SNED1: variants seen among roughly 807,000 people sequenced by gnomAD.
The protein encoded by SNED1 is sushi, nidogen and EGF like domains 1.
A neutral mutation model predicts 166.7 loss-of-function variants in SNED1; 81 were observed. The ratio of observed to expected loss-of-function variants is 0.49; its 90% CI spans 0.41 to 0.58. The LOEUF is 0.58. SNED1 is among the 20% of genes least tolerant of loss of function. The probability of loss-of-function intolerance (pLI) is 0.00; values close to 1 mark genes in which losing one functional copy is unlikely to be tolerated. For synonymous variants in SNED1, 762 were observed against 822.0 expected, an observed-to-expected ratio of 0.93 and a Z score of 1.25; for missense variants, 1,604 against 2,000.2, an observed-to-expected ratio of 0.80 and a Z score of 3.78.
chr2:241,084,493 C>T (rs1015436382), intron 29 of SNED1, among the ~76,000 whole-genome samples: 10 of 152,140 alleles, frequency 6.6e-5, no homozygotes, highest in African/African-American at 2.2e-4. Context: ...TTCAACTTCA[C>T]GCCGCATACC....
intron 21 of SNED1, among the ~76,000 whole-genome samples, chr2:241,067,098 T>C (rs904032050): frequency 4.6e-5 from 7 of 152,244 alleles, no homozygotes; most frequent in South Asian, 2.1e-4. Flanking sequence ...CCTCGGAAGG[T>C]ATCTGGAGTG....
intron 21 of SNED1, 98 bp from the exon 22 acceptor site, chr2:241,067,666 C>T (rs1553581619): frequency 3.1e-6 from 3 of 979,694 alleles, no homozygotes; most frequent in African/African-American, 1.6e-5. Flanking sequence ...CTCTCTGTGG[C>T]CCCCAGCACC....
intron 16 of SNED1, among the ~76,000 whole-genome samples, chr2:241,062,521 G>A (rs2062268112): frequency 6.6e-6 from 1 of 152,130 alleles, no homozygotes; most frequent in South Asian, 2.1e-4. Flanking sequence ...CTGTCGGCCT[G>A]AACCACTGGA....
Position 241,051,675 on chromosome 2 carries a change from G to C in SNED1, c.1736-69G>C. ...CACCAGAGGACTGAGGAGATGCCAG[G>C]AGGGTATAGTGGCTCTGTGGGGCCA... is the stretch of plus-strand genomic sequence containing the variant. On this transcript the variant is annotated intron_variant, in intron 12 of 31. Coordinates refer to ENST00000310397, the MANE Select transcript of SNED1 (RefSeq NM_001080437.3). This position sits in a 1 kb window ranked among gnomAD's most constrained non-coding sequence, Gnocchi z 4.7. The C allele has an allele frequency of 1.6e-6, 2 of 1,239,338 alleles. No individual in the cohort carries two copies. 76.8% of individuals were successfully genotyped at this position (1,239,338 alleles called of 1,614,324 possible).
In SNED1 at chr2:241,013,380, A is replaced by C. The variant is rs1351031753; in HGVS notation, c.213+14330A>C. ...GAGTGCAGTGGCCTGAGCCTAGCTC[A>C]CTGTAACCTCGAACTCATGGGCTCC... On this transcript the variant is annotated intron_variant, in intron 1 of 31. Coordinates refer to ENST00000310397, the MANE Select transcript of SNED1 (RefSeq NM_001080437.3). This position sits in a 1 kb window ranked among gnomAD's most constrained non-coding sequence, Gnocchi z 4.6. 6.6e-6 allele frequency among the ~76,000 whole-genome samples: 1 copy of C among 152,190 alleles called. No homozygotes were observed. Among genetic ancestry groups the C allele is most frequent in the African/African-American group, 2.4e-5 (1 of 41,436 alleles).
chr2:241,089,173 C>T, intron 31 of SNED1: 1 of 891,162 alleles, frequency 1.1e-6, no homozygotes, highest in Non-Finnish European at 1.7e-6. Flanking sequence ...AACCTGTTAC[C>T]AGTTTCATAC....
intron 1 of SNED1, among the ~76,000 whole-genome samples, chr2:241,001,885 G>A (rs2106525874): frequency 6.6e-6 from 1 of 152,288 alleles, no homozygotes; most frequent in Non-Finnish European, 1.5e-5. Flanking sequence ...GTGCCCTGCA[G>A]AGCCCGCAGG....
chr2:241,077,808 TAAA>T (rs938974267), intron 27 of SNED1, among the ~76,000 whole-genome samples: 4 of 152,080 alleles, frequency 2.6e-5, no homozygotes, highest in Non-Finnish European at 4.4e-5. Context: ...TGGCGGGAAT[TAAA>T]AAGTCAGATA....
At chr2:241,010,202 T>G (rs978328439) in intron 1 of SNED1, 1 of 152,120 alleles carries the variant, frequency 6.6e-6, no homozygotes, top group African/African-American at 2.4e-5. Context: ...CGGAAGTCTC[T>G]TGGGTCCCTG....
chr2:241,090,068 C>T, intron 31 of SNED1: 2 of 1,517,894 alleles, frequency 1.3e-6, no homozygotes, highest in South Asian at 1.3e-5. Context: ...TTAACCTTAG[C>T]TTACTGTAAC....
At chr2:241,059,430 T>C (rs778602841) in intron 16 of SNED1, among the ~76,000 whole-genome samples, 5 of 152,224 alleles carry the variant, frequency 3.3e-5, no homozygotes, top group Non-Finnish European at 7.3e-5. Flanking sequence ...ACCCAACTTA[T>C]TTGATAACTT....
rs2060495967 is a variant in SNED1, at chr2:241,013,982, G to C, written c.213+14932G>C. The stretch of plus-strand genomic sequence containing the variant: ...TATTTTTAATTTTTTAGGTGGGGCT[G>C]TTCCTAGCTTTAGACTACTCTTTTT... On this transcript the variant is annotated intron_variant, in intron 1 of 31. Coordinates refer to ENST00000310397, the MANE Select transcript of SNED1 (RefSeq NM_001080437.3). The surrounding 1 kb of genome is among the most constrained non-coding windows in gnomAD (Gnocchi z 4.6). Among the ~76,000 whole-genome samples, 1 of 151,398 alleles carries C rather than the reference G, an allele frequency of 6.6e-6. No individual in the cohort carries two copies. Among genetic ancestry groups the C allele is most frequent in the African/African-American group, 2.4e-5 (1 of 41,176 alleles).
rs2060093233 is a variant in SNED1, at chr2:241,002,084, G to A, written c.213+3034G>A. Among the ~76,000 whole-genome samples, 2 of 152,142 alleles carry A rather than the reference G, an allele frequency of 1.3e-5. 1 individual carries two copies. The highest frequency in any genetic ancestry group is 3.9e-4 in the East Asian group (2 of 5,190). On this transcript the variant is annotated intron_variant, in intron 1 of 31. Coordinates refer to ENST00000310397, the MANE Select transcript of SNED1 (RefSeq NM_001080437.3). ...AGCCCAGGGCAGCTGCTCTGGTGTG[G>A]GAGTTCACATGCAGCCTGTGACCTT...
In SNED1 at chr2:241,073,124, G is replaced by T. The variant is rs2062819261; in HGVS notation, c.3818-142G>T. 2 of 630,798 alleles carry T rather than the reference G, an allele frequency of 3.2e-6. No individual in the cohort carries two copies. The highest frequency in any genetic ancestry group is 5.6e-6 in the Non-Finnish European group (2 of 360,178). The allele number at this position is 630,798 out of a possible 1,614,324, so 39.1% of individuals were successfully genotyped here. On this transcript the variant is annotated intron_variant, in intron 26 of 31. Coordinates refer to ENST00000310397, the MANE Select transcript of SNED1 (RefSeq NM_001080437.3). This position sits in a 1 kb window ranked among gnomAD's most constrained non-coding sequence, Gnocchi z 6.6. ...GGGGAGGCAGCTCTGGGGCCGACAGGTGCTGGGGCCACGCAGGGAGCCTGG... is the reference window on the plus strand; with the variant it reads ...GGGGAGGCAGCTCTGGGGCCGACAGTTGCTGGGGCCACGCAGGGAGCCTGG...
chr2:241,004,452 T>C (rs1376415009), intron 1 of SNED1, among the ~76,000 whole-genome samples: 1 of 152,226 alleles, frequency 6.6e-6, no homozygotes, highest in Non-Finnish European at 1.5e-5. Context: ...ATCTGTTCTC[T>C]ATAGTTTCTT....
chr2:241,085,828 C>A (rs1397236561), intron 29 of SNED1, among the ~76,000 whole-genome samples: 1 of 149,174 alleles, frequency 6.7e-6, no homozygotes, highest in African/African-American at 2.5e-5. Context: ...TTAATTTTGC[C>A]CTAGTTCTAT....
At chr2:241,005,579 G>A (rs147710567) in intron 1 of SNED1, among the ~76,000 whole-genome samples, 215 of 151,926 alleles carry the variant, frequency 1.4e-3, no homozygotes, top group Non-Finnish European at 2.5e-3. Flanking sequence ...TAGACCTGCT[G>A]GCATAAATTA....
intron 27 of SNED1, among the ~76,000 whole-genome samples, chr2:241,076,826 T>C (rs1329047845): frequency 6.6e-6 from 1 of 152,158 alleles, no homozygotes; most frequent in African/African-American, 2.4e-5. Context: ...GCGCAGTGGC[T>C]CAGGCCTGTA....
intron 8 of SNED1, chr2:241,041,212 C>T (rs2061512589): frequency 5.6e-6 from 1 of 177,776 alleles, no homozygotes; most frequent in Non-Finnish European, 1.2e-5. Context: ...GAGGCAGCCT[C>T]ACCTATTTGG....
Sources: gnomAD v4.1 joint callset for allele counts (sites outside exome capture counted in the v4.1 genomes callset) on GRCh38, gnomAD v4.1.1 for gene constraint, Gnocchi (gnomAD v3.1) non-coding constraint, MANE v1.5 for transcripts, NCBI Gene and HGNC (gene_info 2026-07-23, HGNC 2026-07-21) for gene names.